Variants in PCDHGA5 observed in about 807,000 individuals in gnomAD.
The protein encoded by PCDHGA5 is protocadherin gamma subfamily A, 5, also known as protocadherin gamma-A5.
PCDHGA5 carries 36 observed loss-of-function variants against 56.7 expected under a neutral mutation model. The observed-to-expected ratio is 0.64, with a 90% CI of 0.49 to 0.84. PCDHGA5 has a LOEUF of 0.84. Among genes scored for constraint, PCDHGA5 ranks in the 40% least tolerant of loss-of-function variants. The pLI, the probability that PCDHGA5 is intolerant of heterozygous loss-of-function variation, is 0.00. For synonymous variants in PCDHGA5, 563 were observed against 520.2 expected, an observed-to-expected ratio of 1.08 and a Z score of -1.12; for missense variants, 1,305 against 1,201.5, an observed-to-expected ratio of 1.09 and a Z score of -1.27.
At chr5:141,427,883 C>T (rs2097084423) in intron 1 of PCDHGA5, 2 of 1,563,700 alleles carry the variant, frequency 1.3e-6, no homozygotes, top group African/African-American at 1.3e-5. Context: ...TGCAGGCCCA[C>T]GACCAGGGCT....
intron 1 of PCDHGA5, chr5:141,415,883 G>C: frequency 1.0e-6 from 1 of 984,090 alleles, no homozygotes; most frequent in Non-Finnish European, 1.4e-6. Context: ...GTACAATATT[G>C]ACAATTCCTA....
intron 1 of PCDHGA5, among the ~76,000 whole-genome samples, chr5:141,401,714 A>T (rs964631036): frequency 2.0e-5 from 3 of 152,226 alleles, no homozygotes; most frequent in Non-Finnish European, 4.4e-5. Flanking sequence ...CATTTTTAAG[A>T]CAAAAACTAC....
chr5:141,381,852 A>T (rs1777673646), intron 1 of PCDHGA5, among the ~76,000 whole-genome samples: 2 of 41,770 alleles, frequency 4.8e-5, no homozygotes, highest in African/African-American at 1.3e-4. Flanking sequence ...TTTTTTTGGC[A>T]GAGTTTTGCT....
rs762866893 is a variant in PCDHGA5 at position 141,389,080 on chromosome 5, C to G, written c.2421+22329C>G. ...AAAATATTAACTTCTTCAAGAAACA[C>G]GTATAAATTAGTGACAGATGCTGTT... On this transcript the variant is annotated intron_variant, in intron 1 of 3. Transcript: ENST00000518069. 7 of 1,613,984 alleles carry G rather than the reference C, an allele frequency of 4.3e-6. No individual in the cohort carries two copies. The South Asian group carries it at 5.5e-5, about 13-fold the overall frequency.
chr5:141,410,561 G>T (rs201832666), intron 1 of PCDHGA5: 171 of 1,612,580 alleles, frequency 1.1e-4, no homozygotes, highest in Admixed American at 2.7e-4. Context: ...TTCTCCTGGA[G>T]CCTTAATTCC....
At position 141,485,565 on chromosome 5, in the gene PCDHGA5, C is replaced by T. The variant is rs1213821989; in HGVS notation, c.2422-9242C>T. The T allele has an allele frequency of 2.5e-6, 4 of 1,612,946 alleles. No homozygotes were observed. Among genetic ancestry groups the T allele is most frequent in the Non-Finnish European group, 2.5e-6 (3 of 1,179,042 alleles). On this transcript the variant is annotated intron_variant, in intron 1 of 3. Coordinates refer to ENST00000518069, the MANE Select transcript of PCDHGA5 (RefSeq NM_018918.3). The surrounding 1 kb of genome is among the most constrained non-coding windows in gnomAD (Gnocchi z 5.7). ...ATCGTAGATGTGAATGATCACGCCCCCCGTTTTCCGCGGCAGCAGCTGGAC... is the reference window on the plus strand; with the variant it reads ...ATCGTAGATGTGAATGATCACGCCCTCCGTTTTCCGCGGCAGCAGCTGGAC...
At chr5:141,371,799 G>T (rs1768052133) in intron 1 of PCDHGA5, 5 of 1,613,926 alleles carry the variant, frequency 3.1e-6, no homozygotes, top group Middle Eastern at 1.6e-4. Flanking sequence ...TCCGCCTGGA[G>T]CCTCCATTGC....
At chr5:141,464,759 ACAGG>A (rs2099090169) in intron 1 of PCDHGA5, among the ~76,000 whole-genome samples, 1 of 152,158 alleles carries the variant, frequency 6.6e-6, no homozygotes, top group Non-Finnish European at 1.5e-5. Context: ...TTTTTTAGAG[ACAGG>A]AATCTTGTTC....
Position 141,491,900 on chromosome 5 carries a change from G to C in PCDHGA5, c.2422-2907G>C. ...TAAGGGATGGGGCTCCGAGCACCGG[G>C]GGTGGTGGCGACTGTGGGCGAGGGG... On this transcript the variant is annotated intron_variant, in intron 1 of 3. Transcript: ENST00000518069. This position sits in a 1 kb window ranked among gnomAD's most constrained non-coding sequence, Gnocchi z 6.9. 1 of 1,429,936 alleles carries C rather than the reference G, an allele frequency of 7.0e-7. No homozygotes were observed. Among genetic ancestry groups the C allele is most frequent in the South Asian group, 1.5e-5 (1 of 67,072 alleles). 88.6% of individuals were successfully genotyped at this position (1,429,936 alleles called of 1,614,324 possible). A position where few individuals can be genotyped will look rare whatever the true frequency, so the allele number is the denominator to read the frequency against.
intron 1 of PCDHGA5, chr5:141,403,036 C>T: frequency 1.9e-6 from 3 of 1,614,080 alleles, no homozygotes; most frequent in Non-Finnish European, 2.5e-6. Context: ...AGGCCAGGGC[C>T]AGTCAGATTC....
intron 1 of PCDHGA5, chr5:141,388,948 T>A (rs751779962): frequency 1.9e-6 from 3 of 1,614,022 alleles, no homozygotes; most frequent in Non-Finnish European, 2.5e-6. Context: ...AACCTAATTA[T>A]GGAGGACGCC....
At chr5:141,375,993 C>G in intron 1 of PCDHGA5, 1 of 1,613,468 alleles carries the variant, frequency 6.2e-7, no homozygotes, top group Non-Finnish European at 8.5e-7. Flanking sequence ...GACAGAGACG[C>G]GCTCAAGCAG....
chr5:141,389,886 G>A, intron 1 of PCDHGA5: 1 of 1,614,078 alleles, frequency 6.2e-7, no homozygotes, highest in Non-Finnish European at 8.5e-7. Context: ...CAGCTTGCAG[G>A]AGGTGCTGCC....
In PCDHGA5 at chr5:141,503,243, C is replaced by T. The variant is rs146741382; in HGVS notation, c.2481-2150C>T. Among the ~76,000 whole-genome samples the T allele has an allele frequency of 3.1e-4, 47 of 152,198 alleles. No individual in the cohort carries two copies. The East Asian group carries it at 8.9e-3, about 29-fold the overall frequency. ...CACCGTAAAGATGGACAGTTTCTAT[C>T]ATACTCACAGCCACAACCCCAGCAC... On this transcript the variant is annotated intron_variant, in intron 2 of 3. Coordinates refer to ENST00000518069, the MANE Select transcript of PCDHGA5 (RefSeq NM_018918.3).
chr5:141,468,809 T>A (rs1473677700), intron 1 of PCDHGA5, among the ~76,000 whole-genome samples: 1 of 151,850 alleles, frequency 6.6e-6, no homozygotes, highest in Admixed American at 6.6e-5. Flanking sequence ...GAACTTGCAG[T>A]GAGCCAAGAT....
At chr5:141,419,407 G>A (rs1426208057) in intron 1 of PCDHGA5, 20 of 1,613,396 alleles carry the variant, frequency 1.2e-5, no homozygotes, top group Non-Finnish European at 1.4e-5. Flanking sequence ...TGGTGTTCGC[G>A]CAGCGCGCCT....
rs1387759369 is a variant in PCDHGA5, at chr5:141,366,608, A to G, written c.2278A>G (p.Thr760Ala). 1 of 1,614,110 alleles carries G rather than the reference A, an allele frequency of 6.2e-7. No individual in the cohort carries two copies. The highest frequency in any genetic ancestry group is 8.5e-7 in the Non-Finnish European group (1 of 1,180,040). ...LQTYSHEVSL[T>A]ADSRKSHLIF... ...GACCTATTCCCACGAGGTCTCCCTCACCGCGGACTCGAGGAAGAGTCACCT... is the reference window on the plus strand; with the variant it reads ...GACCTATTCCCACGAGGTCTCCCTCGCCGCGGACTCGAGGAAGAGTCACCT... The change falls in exon 1 of 4, where the codon ACC (threonine) becomes GCC (alanine). Residue 760 changes from threonine (T) to alanine (A), a missense_variant. Coordinates refer to ENST00000518069, the MANE Select transcript of PCDHGA5 (RefSeq NM_018918.3).
intron 1 of PCDHGA5, among the ~76,000 whole-genome samples, chr5:141,369,471 A>G (rs1182179165): frequency 6.6e-6 from 1 of 152,168 alleles, no homozygotes; most frequent in African/African-American, 2.4e-5. Context: ...GTTCTAGCCC[A>G]GCCTGGGCAA....
intron 1 of PCDHGA5, chr5:141,390,565 G>T: frequency 4.8e-6 from 2 of 420,818 alleles, no homozygotes. Context: ...ACAGTTGTTG[G>T]CTCTCTCCTA....
Sources: allele counts gnomAD v4.1 joint callset (sites outside exome capture counted in the v4.1 genomes callset), GRCh38; gene constraint gnomAD v4.1.1; non-coding constraint Gnocchi (gnomAD v3.1); transcripts MANE v1.5; gene names NCBI Gene and HGNC (gene_info 2026-07-23, HGNC 2026-07-21).